The following SERINC2 variants were observed in gnomAD, a reference collection of about 807,000 sequenced individuals.
SERINC2 encodes serine incorporator 2, also known as tumor differentially expressed protein 2.
A neutral mutation model predicts 54.2 loss-of-function variants in SERINC2; 56 were observed. That is an observed-to-expected ratio of 1.03 (90% CI 0.83 to 1.29). The LOEUF is 1.29. SERINC2 is among the 50% of genes most tolerant of loss of function. The pLI, the probability that SERINC2 is intolerant of heterozygous loss-of-function variation, is 0.00. For missense variants in SERINC2, 614 were observed against 607.4 expected (o/e 1.01, Z -0.12); for synonymous variants, 272 against 253.1 (o/e 1.07, Z -0.71).
intron 3 of SERINC2, 43 bp downstream of exon 3, chr1:31,424,916 G>A (rs372144989): frequency 5.2e-6 from 8 of 1,534,058 alleles, no homozygotes; most frequent in Non-Finnish European, 7.1e-6. Flanking sequence ...CCTTCCCCCA[G>A]TGCCTTGCCC....
At chr1:31,429,669 T>C in intron 8 of SERINC2, 131 bp downstream of exon 8, 1 of 1,040,758 alleles carries the variant, frequency 9.6e-7, no homozygotes, top group Non-Finnish European at 1.4e-6. Flanking sequence ...GGTCTTGCAT[T>C]GTGCGGGAGG....
At position 31,432,101 on chromosome 1, in the gene SERINC2, A is replaced by ATAGGGTGGT. The variant is rs1641285287; in HGVS notation, c.1014-866_1014-865insTAGGGTGGT. ...AGGGTGGTTAGGGTGGACAGGGTGGACAGGGTGGATAGGGTGGTTAGGGTG... is the reference window on the plus strand; with the variant it reads ...AGGGTGGTTAGGGTGGACAGGGTGGATAGGGTGGTCAGGGTGGATAGGGTGGTTAGGGTG... On this transcript the variant is annotated intron_variant, in intron 8 of 9. Coordinates refer to ENST00000373709, the MANE Select transcript of SERINC2 (RefSeq NM_178865.5). Among the ~76,000 whole-genome samples the ATAGGGTGGT allele has an allele frequency of 2.7e-5, 3 of 112,794 alleles. 1 individual carries two copies. Among genetic ancestry groups the ATAGGGTGGT allele is most frequent in the Admixed American group, 1.7e-4 (2 of 11,540 alleles). 74.0% of individuals were successfully genotyped at this position (112,794 alleles called of 152,430 possible). A position where few individuals can be genotyped will look rare whatever the true frequency, so the allele number is the denominator to read the frequency against.
Position 31,413,237 on chromosome 1 carries a change from C to G in SERINC2, c.-29C>G. 8.7e-7 allele frequency: 1 copy of G among 1,153,330 alleles called. No homozygotes were observed. Among genetic ancestry groups the G allele is most frequent in the Non-Finnish European group, 1.1e-6 (1 of 940,276 alleles). 71.4% of individuals were successfully genotyped at this position (1,153,330 alleles called of 1,614,324 possible). On this transcript the variant is annotated 5_prime_UTR_variant, in exon 1 of 10. Transcript: ENST00000373709. This position sits in a 1 kb window ranked among gnomAD's most constrained non-coding sequence, Gnocchi z 5.0. ...CGAGGTCCGCGCCCCGCGCCCGGCG[C>G]CGGGCGCCCGAAGCCGGGAGCCGCC...
rs143577376 is a variant in SERINC2 at position 31,423,798 on chromosome 1, G to A, written c.145G>A (p.Gly49Arg). Residue 49 changes from glycine (G) to arginine (R), a missense_variant, in exon 2 of 10, where the codon GGG becomes AGG. Gly to Arg is a moderately radical substitution (Grantham distance 125). Transcript: ENST00000373709. ...RLIFTFFLFLGVLVSIIMLSP... is the reference protein window; with the variant it reads ...RLIFTFFLFLRVLVSIIMLSP... ...CATCTTCACGTTCTTCCTCTTCCTGGGGGTGCTGGTGTCCATCATTATGCT... is the reference window on the plus strand; with the variant it reads ...CATCTTCACGTTCTTCCTCTTCCTGAGGGTGCTGGTGTCCATCATTATGCT... The A allele has an allele frequency of 3.7e-6, 6 of 1,614,052 alleles. No individual in the cohort carries two copies. The highest frequency in any genetic ancestry group is 2.2e-5 in the East Asian group (1 of 44,868).
At chr1:31,430,223 T>G (rs1287457376) in intron 8 of SERINC2, among the ~76,000 whole-genome samples, 4 of 152,040 alleles carry the variant, frequency 2.6e-5, no homozygotes, top group African/African-American at 9.7e-5. Flanking sequence ...GTAAAACACT[T>G]AGAAAGGGGC....
At chr1:31,428,318 G>A (rs1641098405) in intron 6 of SERINC2, among the ~76,000 whole-genome samples, 1 of 152,206 alleles carries the variant, frequency 6.6e-6, no homozygotes, top group South Asian at 2.1e-4. Flanking sequence ...GGGATTACAG[G>A]CATGAGCCGC....
chr1:31,425,341 T>C lies in SERINC2; in HGVS notation c.404T>C (p.Phe135Ser). The stretch of plus-strand genomic sequence containing the variant: ...GACCCCTTCTGTAGGTTTTGGTTCT[T>C]TAAGTTCCTGATCCTGGTGGGCCTC... ...RAAIQNGFWF[F>S]KFLILVGLTV... The change falls in exon 4 of 10, where the codon TTT becomes TCT. Residue 135 changes from phenylalanine to serine, a missense_variant. Physicochemically the swap from Phe to Ser is radical, Grantham distance 155. Coordinates refer to ENST00000373709, the MANE Select transcript of SERINC2 (RefSeq NM_178865.5). 1 of 1,612,704 alleles carries C rather than the reference T, an allele frequency of 6.2e-7. No homozygotes were observed. The highest frequency in any genetic ancestry group is 8.5e-7 in the Non-Finnish European group (1 of 1,178,648).
rs782355081 is a variant in SERINC2 at position 31,434,057 on chromosome 1, G to T, written c.1233-7G>T. On this transcript the variant is annotated splice_polypyrimidine_tract_variant and splice_region_variant and intron_variant, in intron 9 of 9. Coordinates refer to ENST00000373709, the MANE Select transcript of SERINC2 (RefSeq NM_178865.5). ...ACCAGGCTCATGGGGAAGATGGTGT[G>T]TTCCAGGCCCGGTGAGACCCGGAAG... 1 of 1,613,362 alleles carries T rather than the reference G, an allele frequency of 6.2e-7. No homozygotes were observed. Among genetic ancestry groups the T allele is most frequent in the Non-Finnish European group, 8.5e-7 (1 of 1,179,610 alleles).
intron 5 of SERINC2, 104 bp downstream of exon 5, chr1:31,426,017 T>C: frequency 1.6e-6 from 2 of 1,245,066 alleles, no homozygotes; most frequent in South Asian, 1.4e-5. Flanking sequence ...CTGGGGGGCA[T>C]CCCTAGCAGC....
At position 31,426,705 on chromosome 1, in the gene SERINC2, C is replaced by T. The variant is rs782011992; in HGVS notation, c.662C>T (p.Ala221Val). The change falls in exon 6 of 10, where the codon GCG (alanine) becomes GTG (valine). Residue 221 changes from alanine (A) to valine (V), a missense_variant. By Grantham distance (64) the Ala-to-Val change is moderately conservative. Coordinates refer to ENST00000373709, the MANE Select transcript of SERINC2 (RefSeq NM_178865.5). Reference protein sequence around the residue: ...LFYLLSIAAVALMFMYYTEPS... With the variant: ...LFYLLSIAAVVLMFMYYTEPS... ...TACTTGCTGTCGATCGCGGCCGTGG[C>T]GCTGATGTTCATGTACTACACTGAG... 7 of 1,613,636 alleles carry T rather than the reference C, an allele frequency of 4.3e-6. No individual in the cohort carries two copies. Among genetic ancestry groups the T allele is most frequent in the African/African-American group, 1.3e-5 (1 of 74,902 alleles).
chr1:31,416,268 A>G (rs965769397), intron 1 of SERINC2, among the ~76,000 whole-genome samples: 1 of 152,188 alleles, frequency 6.6e-6, no homozygotes, highest in Non-Finnish European at 1.5e-5. Flanking sequence ...ACAGTAGTAC[A>G]TGACTCAAGA....
At chr1:31,431,223 C>G (rs1246975888) in intron 8 of SERINC2, among the ~76,000 whole-genome samples, 2 of 151,760 alleles carry the variant, frequency 1.3e-5, no homozygotes, top group Non-Finnish European at 1.5e-5. Context: ...CTCCTGGGCT[C>G]AAGTGATCCT....
intron 8 of SERINC2, among the ~76,000 whole-genome samples, chr1:31,431,404 G>T (rs1285699270): frequency 6.6e-6 from 1 of 151,504 alleles, no homozygotes; most frequent in Non-Finnish European, 1.5e-5. Context: ...TTGGATTACA[G>T]GAGTGCACCA....
chr1:31,414,149 C>G, intron 1 of SERINC2: 2 of 1,411,854 alleles, frequency 1.4e-6, no homozygotes, highest in Non-Finnish European at 1.8e-6. Context: ...CGGGGAGTGC[C>G]CGGTCGCGGG....
intron 1 of SERINC2, among the ~76,000 whole-genome samples, chr1:31,418,543 T>A (rs1346214319): frequency 6.6e-6 from 1 of 152,056 alleles, no homozygotes; most frequent in Non-Finnish European, 1.5e-5. Flanking sequence ...GCCTGGCTAA[T>A]TTTTGTATTT....
chr1:31,427,822 TTC>T (rs1338951853), intron 6 of SERINC2, among the ~76,000 whole-genome samples: 2 of 113,042 alleles, frequency 1.8e-5, no homozygotes, highest in African/African-American at 3.0e-5. Flanking sequence ...TTTTCTTTCT[TTC>T]TTTTTTTTTT....
Position 31,431,745 on chromosome 1 carries a change from G to C in SERINC2, c.1014-1222G>C, listed in dbSNP as rs1641209301. On this transcript the variant is annotated intron_variant, in intron 8 of 9. Transcript: ENST00000373709. ...TGCATGAGATATCCATATGGTATTTGGTAGATAGGGTGGAGAGGGTGGAGA... is the reference window on the plus strand; with the variant it reads ...TGCATGAGATATCCATATGGTATTTCGTAGATAGGGTGGAGAGGGTGGAGA... 3.3e-5 allele frequency among the ~76,000 whole-genome samples: 5 copies of C among 151,506 alleles called. No homozygotes were observed. The South Asian group carries it at 1.0e-3, about 31-fold the overall frequency.
At chr1:31,410,218 A>G, upstream of SERINC2, 1 of 1,446,346 alleles carries the variant, frequency 6.9e-7, no homozygotes, top group South Asian at 1.5e-5. Context: ...TGGGGGTGCA[A>G]GAGACAGAGC....
chr1:31,412,336 C>T (rs563203282), upstream of SERINC2, among the ~76,000 whole-genome samples: 12 of 152,290 alleles, frequency 7.9e-5, no homozygotes, highest in African/African-American at 2.9e-4. Flanking sequence ...CCCTCCCCAC[C>T]TTCTGACCTC....
Sources: gnomAD v4.1 joint callset for allele counts (sites outside exome capture counted in the v4.1 genomes callset) on GRCh38, gnomAD v4.1.1 for gene constraint, Gnocchi (gnomAD v3.1) non-coding constraint, MANE v1.5 for transcripts, NCBI Gene and HGNC (gene_info 2026-07-23, HGNC 2026-07-21) for gene names.